The following TP53AIP1 variants were observed in gnomAD, a reference collection of about 807,000 sequenced individuals.
The protein encoded by TP53AIP1 is tumor protein p53 regulated apoptosis inducing protein 1.
TP53AIP1 carries 14 observed loss-of-function variants against 9.5 expected under a neutral mutation model. The observed-to-expected ratio is 1.47, with a 90% CI of 0.97 to 2.30. The LOEUF is 2.30. Among genes scored for constraint, TP53AIP1 ranks in the 30% most tolerant of loss-of-function variants. TP53AIP1 has a pLI of 0.00. For synonymous variants in TP53AIP1, 73 were observed against 61.2 expected (o/e 1.19, Z -0.90); for missense variants, 153 against 146.7 (o/e 1.04, Z -0.22).
At position 128,935,504 on chromosome 11, in the gene TP53AIP1, G is replaced by A. The variant is rs933114912; in HGVS notation, c.*87C>T. ...GTCAGCGCTGGAGCCATTTCTCGACGGTGCTTTCTGTTTGTTTGTTTGTTT... is the reference window on the plus strand; with the variant it reads ...GTCAGCGCTGGAGCCATTTCTCGACAGTGCTTTCTGTTTGTTTGTTTGTTT... On this transcript the variant is annotated 3_prime_UTR_variant, in exon 4 of 4. Coordinates refer to ENST00000531399, the MANE Select transcript of TP53AIP1 (RefSeq NM_022112.3). 177 of 1,429,780 alleles carry A rather than the reference G, an allele frequency of 1.2e-4. 1 individual carries two copies. The highest frequency in any genetic ancestry group is 5.0e-4 in the South Asian group (35 of 70,170). The allele number at this position is 1,429,780 out of a possible 1,614,324, so 88.6% of individuals were successfully genotyped here.
At position 128,936,578 on chromosome 11, in the gene TP53AIP1, C is replaced by T. The variant is rs751000197; in HGVS notation, c.213G>A (p.Ser71=). 134 of 1,586,508 alleles carry T rather than the reference C, an allele frequency of 8.4e-5. No homozygotes were observed. The highest frequency in any genetic ancestry group is 1.6e-4 in the Middle Eastern group (1 of 6,072). ...CAGTTGCTGAGGACCAAGATCCAGA[C>T]GAGACTGACAGAGCTTCTATTCCCC... ...GCRGIEALSV[S]SGSWSSATVW... Residue 71 remains serine, a synonymous_variant, in exon 3 of 4, where the codon TCG becomes TCA. Transcript: ENST00000531399.
downstream of TP53AIP1, chr11:128,934,873 T>G (rs116614788): frequency 6.1e-3 from 3,862 of 631,762 alleles, 119 homozygotes; most frequent in African/African-American, 0.062. Flanking sequence ...CCACTGGGGA[T>G]CCTCGGAAGT....
In TP53AIP1 at chr11:128,939,357, C is replaced by T. The variant is rs978933366; in HGVS notation, c.-76-1463G>A. On this transcript the variant is annotated intron_variant, in intron 1 of 3. Transcript: ENST00000531399. This position sits in a 1 kb window ranked among gnomAD's most constrained non-coding sequence, Gnocchi z 4.1. ...ATCCTGCGGCCCATTGCTCACTCCC[C>T]GCAGAGGCAGGGGCAGCTGACTGCT... Among the ~76,000 whole-genome samples, 2 of 152,160 alleles carry T rather than the reference C, an allele frequency of 1.3e-5. No homozygotes were observed. Among genetic ancestry groups the T allele is most frequent in the Admixed American group, 6.5e-5 (1 of 15,284 alleles).
chr11:128,937,778 G>C lies in TP53AIP1; in HGVS notation c.41C>G (p.Ala14Gly). ...SSEASFRSAQ[A>G]SCSGARRQGL... ...CTGCCTCCTGGCCCCACTGCAGGAAGCTTGAGCAGATCTGAAGCTCGCCTC... is the reference window on the plus strand; with the variant it reads ...CTGCCTCCTGGCCCCACTGCAGGAACCTTGAGCAGATCTGAAGCTCGCCTC... The change falls in exon 2 of 4, where the codon GCT (alanine) becomes GGT (glycine). Residue 14 changes from alanine (A) to glycine (G), a missense_variant. Transcript: ENST00000531399. This position sits in a 1 kb window ranked among gnomAD's most constrained non-coding sequence, Gnocchi z 4.8. 1.9e-6 allele frequency: 3 copies of C among 1,613,894 alleles called. No individual in the cohort carries two copies. Among genetic ancestry groups the C allele is most frequent in the Non-Finnish European group, 2.5e-6 (3 of 1,179,958 alleles).
chr11:128,936,094 G>A (rs1345026685), intron 3 of TP53AIP1: 2 of 846,212 alleles, frequency 2.4e-6, no homozygotes, highest in Non-Finnish European at 2.9e-6. Context: ...CTGAGACTCA[G>A]GCAGGCCAGT....
rs750883911 is a variant in TP53AIP1 at position 128,936,562 on chromosome 11, AG to A, written c.228del (p.Ser77GlnfsTer7). The stretch of plus-strand genomic sequence containing the variant: ...CCTGTCAGGATCCAGACAGTTGCTG[AG>A]GACCAAGATCCAGACGAGACTGACA... ...EALSVSSGSWSSATVWILTGL... is the reference protein window; with the variant it reads ...EALSVSSGSWXSATVWILTGL... On this transcript the variant is annotated frameshift_variant, in exon 3 of 4. Coordinates refer to ENST00000531399, the MANE Select transcript of TP53AIP1 (RefSeq NM_022112.3). LOFTEE classifies it low-confidence loss of function (END_TRUNC). 9 of 1,582,418 alleles carry A rather than the reference AG, an allele frequency of 5.7e-6. No homozygotes were observed. Among genetic ancestry groups the A allele is most frequent in the Non-Finnish European group, 6.8e-6 (8 of 1,172,314 alleles).
Position 128,937,706 on chromosome 11 carries a change from C to T in TP53AIP1, c.113G>A (p.Gly38Asp). Residue 38 changes from glycine to aspartate, a missense_variant, in exon 2 of 4, where the codon GGC becomes GAC. Transcript: ENST00000531399. The surrounding 1 kb of genome is among the most constrained non-coding windows in gnomAD (Gnocchi z 4.8). ...DQNLSVMPPN[G>D]RAQTHTPGWV... ...GCCAGGTGTGTGTGTCTGAGCCCTGCCATTCGGAGGCATCACCGAGAGGTT... is the reference window on the plus strand; with the variant it reads ...GCCAGGTGTGTGTGTCTGAGCCCTGTCATTCGGAGGCATCACCGAGAGGTT... The T allele has an allele frequency of 6.2e-7, 1 of 1,614,166 alleles. No homozygotes were observed. The highest frequency in any genetic ancestry group is 8.5e-7 in the Non-Finnish European group (1 of 1,180,028).
chr11:128,941,335 G>A (rs1944938346), intron 1 of TP53AIP1, among the ~76,000 whole-genome samples: 1 of 152,306 alleles, frequency 6.6e-6, no homozygotes, highest in Non-Finnish European at 1.5e-5. Flanking sequence ...GGAACAGGAA[G>A]TATTTTAAGG....
intron 2 of TP53AIP1, 104 bp from the exon 3 acceptor site, chr11:128,936,753 G>A (rs1177089635): frequency 3.4e-6 from 5 of 1,453,062 alleles, no homozygotes; most frequent in African/African-American, 1.4e-5. Context: ...GCATCCAGGG[G>A]CATTTCACCT....
chr11:128,937,964 T>C lies in TP53AIP1; in HGVS notation c.-76-70A>G. 1.1e-6 allele frequency: 1 copy of C among 893,576 alleles called. No homozygotes were observed. Among genetic ancestry groups the C allele is most frequent in the South Asian group, 1.8e-5 (1 of 55,190 alleles). The allele number at this position is 893,576 out of a possible 1,614,324, so 55.4% of individuals were successfully genotyped here. ...GCGCTGGGCCAGCAATGATGATTTC[T>C]ACTGTTAGGGTTTCAGTTGTACTTG... On this transcript the variant is annotated intron_variant, in intron 1 of 3. Coordinates refer to ENST00000531399, the MANE Select transcript of TP53AIP1 (RefSeq NM_022112.3). The surrounding 1 kb of genome is among the most constrained non-coding windows in gnomAD (Gnocchi z 4.8).
In TP53AIP1 at chr11:128,937,656, G is replaced by C. The variant is rs779991923; in HGVS notation, c.141+22C>G. ...GCTGTGGCAGGCAAAAGACCGTCTC[G>C]GTTTTCACTGCAGGGACTTACCCAG... On this transcript the variant is annotated intron_variant, in intron 2 of 3. Coordinates refer to ENST00000531399, the MANE Select transcript of TP53AIP1 (RefSeq NM_022112.3). This position sits in a 1 kb window ranked among gnomAD's most constrained non-coding sequence, Gnocchi z 4.8. The C allele has an allele frequency of 2.0e-5, 33 of 1,614,026 alleles. No homozygotes were observed. In the East Asian group the frequency reaches 4.5e-4, roughly 22 times the overall value.
chr11:128,935,687 A>G lies in TP53AIP1; in HGVS notation c.279T>C (p.Pro93=). 1 of 1,582,452 alleles carries G rather than the reference A, an allele frequency of 6.3e-7. No individual in the cohort carries two copies. The highest frequency in any genetic ancestry group is 8.5e-7 in the Non-Finnish European group (1 of 1,171,888). Residue 93 remains proline, a synonymous_variant, in exon 4 of 4, where the codon CCT becomes CCC. Transcript: ENST00000531399. ...LTGLGLGLSR[P]FLPGATVLRD... ...TAAGCACTGTGGCTCCAGGAAGGAA[A>G]GGCCTGGAGAGACCTAGACCAAGGC...
chr11:128,935,541 T>TGGA lies in TP53AIP1; in HGVS notation c.*47_*49dup. 6.6e-7 allele frequency: 1 copy of TGGA among 1,523,410 alleles called. No individual in the cohort carries two copies. Among genetic ancestry groups the TGGA allele is most frequent in the Middle Eastern group, 2.2e-4 (1 of 4,516 alleles). 94.4% of individuals were successfully genotyped at this position (1,523,410 alleles called of 1,614,324 possible). A position where few individuals can be genotyped will look rare whatever the true frequency, so the allele number is the denominator to read the frequency against. Reference sequence around the variant, plus strand: ...TTGTTTGTTTGTTTTTGTTTTGAGATGGAGTCTCTCTCTGTCGCCCAGGCT... The same window carrying TGGA: ...TTGTTTGTTTGTTTTTGTTTTGAGATGGAGGAGTCTCTCTCTGTCGCCCAGGCT... On this transcript the variant is annotated 3_prime_UTR_variant, in exon 4 of 4. Transcript: ENST00000531399.
intron 1 of TP53AIP1, among the ~76,000 whole-genome samples, chr11:128,940,301 C>T (rs999226135): frequency 1.3e-5 from 2 of 152,136 alleles, no homozygotes; most frequent in East Asian, 1.9e-4. Context: ...CTTTTGGCCC[C>T]GTCTCTGAGG....
chr11:128,937,175 A>G lies in TP53AIP1; in HGVS notation c.141+503T>C. On this transcript the variant is annotated intron_variant, in intron 2 of 3. Transcript: ENST00000531399. The surrounding 1 kb of genome is among the most constrained non-coding windows in gnomAD (Gnocchi z 4.8). ...GAGCCCACAAGCTTCCGAGTGCGTC[A>G]TCTTCATTATTGGCCACAGGAAACG... 1.8e-6 allele frequency: 2 copies of G among 1,120,586 alleles called. No homozygotes were observed. The highest frequency in any genetic ancestry group is 2.2e-6 in the Non-Finnish European group (2 of 915,462). 69.4% of individuals were successfully genotyped at this position (1,120,586 alleles called of 1,614,324 possible).
Position 128,935,480 on chromosome 11 carries a change from TCAG to T in TP53AIP1, c.*108_*110del. On this transcript the variant is annotated 3_prime_UTR_variant, in exon 4 of 4. Coordinates refer to ENST00000531399, the MANE Select transcript of TP53AIP1 (RefSeq NM_022112.3). The stretch of plus-strand genomic sequence containing the variant: ...AGGGGGGAAATGAGGTGGCCGCTAG[TCAG>T]CGCTGGAGCCATTTCTCGACGGTGC... The T allele has an allele frequency of 2.1e-6, 3 of 1,454,098 alleles. No individual in the cohort carries two copies. The highest frequency in any genetic ancestry group is 2.7e-6 in the Non-Finnish European group (3 of 1,108,660). The allele number at this position is 1,454,098 out of a possible 1,614,324, so 90.1% of individuals were successfully genotyped here.
chr11:128,937,651 G>A lies in TP53AIP1; in HGVS notation c.141+27C>T, dbSNP rs141657288. On this transcript the variant is annotated intron_variant, in intron 2 of 3. Coordinates refer to ENST00000531399, the MANE Select transcript of TP53AIP1 (RefSeq NM_022112.3). This position sits in a 1 kb window ranked among gnomAD's most constrained non-coding sequence, Gnocchi z 4.8. ...CCGGGGCTGTGGCAGGCAAAAGACC[G>A]TCTCGGTTTTCACTGCAGGGACTTA... 298 of 1,614,160 alleles carry A rather than the reference G, an allele frequency of 1.8e-4. No homozygotes were observed. Among genetic ancestry groups the A allele is most frequent in the African/African-American group, 1.4e-3 (106 of 75,060 alleles).
intron 2 of TP53AIP1, 130 bp from the exon 3 acceptor site, chr11:128,936,779 G>A (rs925632933): frequency 3.6e-5 from 51 of 1,436,002 alleles, no homozygotes; most frequent in South Asian, 2.6e-4. Flanking sequence ...AAGTGATGAC[G>A]CTGCCACTCA....
chr11:128,937,537 A>G lies in TP53AIP1; in HGVS notation c.141+141T>C, dbSNP rs755644022. On this transcript the variant is annotated intron_variant, in intron 2 of 3. Transcript: ENST00000531399. The surrounding 1 kb of genome is among the most constrained non-coding windows in gnomAD (Gnocchi z 4.8). Reference sequence around the variant, plus strand: ...ATGCTCTGAACTGGGGACAGTCCGCATGCAGCTCTGAGGACCCAGATGCTG... The same window carrying G: ...ATGCTCTGAACTGGGGACAGTCCGCGTGCAGCTCTGAGGACCCAGATGCTG... 3 of 1,613,496 alleles carry G rather than the reference A, an allele frequency of 1.9e-6. No homozygotes were observed. Among genetic ancestry groups the G allele is most frequent in the Non-Finnish European group, 2.5e-6 (3 of 1,179,722 alleles).
Sources: allele counts gnomAD v4.1 joint callset (sites outside exome capture counted in the v4.1 genomes callset), GRCh38; gene constraint gnomAD v4.1.1; non-coding constraint Gnocchi (gnomAD v3.1); transcripts MANE v1.5; gene names NCBI Gene and HGNC (gene_info 2026-07-23, HGNC 2026-07-21).